ACACA: variants seen among roughly 807,000 people sequenced by gnomAD.
The protein encoded by ACACA is acetyl-CoA carboxylase alpha, also known as acetyl-CoA carboxylase 1.
ACACA carries 103 observed loss-of-function variants against 296.1 expected under a neutral mutation model. That is an observed-to-expected ratio of 0.35 (90% CI 0.30 to 0.41). ACACA has a LOEUF of 0.41. Among genes scored for constraint, ACACA ranks in the 10% least tolerant of loss-of-function variants. The pLI is 1.00. For synonymous variants in ACACA, 953 were observed against 1,038.6 expected (o/e 0.92, Z 1.58); for missense variants, 1,554 against 2,989.7 (o/e 0.52, Z 11.20).
At chr17:37,175,607 C>T (rs1429138548) in intron 41 of ACACA, among the ~76,000 whole-genome samples, 2 of 152,136 alleles carry the variant, frequency 1.3e-5, no homozygotes, top group African/African-American at 4.8e-5. Context: ...AAATGAGATC[C>T]GTTTAGTCTA....
Position 37,389,346 on chromosome 17 carries a change from A to T in ACACA, c.38+16916T>A. 1.9e-6 allele frequency: 3 copies of T among 1,587,822 alleles called. No individual in the cohort carries two copies. The South Asian group carries it at 3.5e-5, about 18-fold the overall frequency. On this transcript the variant is annotated intron_variant, in intron 1 of 55. Transcript: ENST00000616317. ...CCTGGGACAGCTGAATCCAAGCCTG[A>T]CTCTCAGCCCCAGAAGGAAAGTGTT...
chr17:37,207,353 C>G (rs544543707), intron 31 of ACACA, among the ~76,000 whole-genome samples: 5 of 152,306 alleles, frequency 3.3e-5, no homozygotes, highest in Middle Eastern at 3.4e-3. Context: ...TTTAATTTCT[C>G]CTGACATTTC....
At chr17:37,100,957 C>T (rs914809728) in intron 52 of ACACA, among the ~76,000 whole-genome samples, 13 of 151,994 alleles carry the variant, frequency 8.6e-5, no homozygotes, top group Non-Finnish European at 1.6e-4. Flanking sequence ...ATTAGCCAGG[C>T]ATGGTGGCAC....
chr17:37,188,570 A>G, intron 38 of ACACA, 90 bp from the exon 39 acceptor site: 1 of 651,390 alleles, frequency 1.5e-6, no homozygotes, highest in South Asian at 2.8e-5. Context: ...AAGAAGGGGT[A>G]AAAAAAAAAA....
intron 1 of ACACA, among the ~76,000 whole-genome samples, chr17:37,370,373 G>C (rs1007187098): frequency 6.6e-6 from 1 of 151,312 alleles, no homozygotes; most frequent in South Asian, 2.1e-4. Context: ...CAGCCCAGAC[G>C]CGGTGGCTCA....
chr17:37,399,445 A>G (rs1003773426), intron 1 of ACACA, among the ~76,000 whole-genome samples: 2 of 152,226 alleles, frequency 1.3e-5, no homozygotes, highest in African/African-American at 4.8e-5. Context: ...ACTGCCTGTC[A>G]CCAAATGATG....
intron 52 of ACACA, among the ~76,000 whole-genome samples, chr17:37,109,671 C>T (rs2142990180): frequency 6.6e-6 from 1 of 152,328 alleles, no homozygotes; most frequent in African/African-American, 2.4e-5. Context: ...GGAGTCTCCT[C>T]CCTCTCCCCT....
chr17:37,400,214 G>T (rs746302126), intron 1 of ACACA, among the ~76,000 whole-genome samples: 2 of 152,050 alleles, frequency 1.3e-5, no homozygotes, highest in African/African-American at 4.8e-5. Context: ...CTGCCTCCCG[G>T]GTTCAAGTGA....
chr17:37,314,346 G>A (rs1461474362), intron 3 of ACACA, among the ~76,000 whole-genome samples: 5 of 151,976 alleles, frequency 3.3e-5, no homozygotes, highest in South Asian at 2.1e-4. Context: ...TGATCCGCCC[G>A]CCTCAGCCTC....
intron 1 of ACACA, chr17:37,379,178 C>A: frequency 6.2e-7 from 1 of 1,613,940 alleles, no homozygotes; most frequent in South Asian, 1.1e-5. Context: ...CATTCAAAAC[C>A]GGACTATAGC....
At chr17:37,394,831 G>A (rs1286882574) in intron 1 of ACACA, among the ~76,000 whole-genome samples, 1 of 151,436 alleles carries the variant, frequency 6.6e-6, no homozygotes, top group Non-Finnish European at 1.5e-5. Flanking sequence ...GGAGCTTGCA[G>A]TGAGCCGAGA....
intron 1 of ACACA, among the ~76,000 whole-genome samples, chr17:37,374,506 C>T (rs1369291320): frequency 1.3e-5 from 2 of 152,000 alleles, no homozygotes; most frequent in African/African-American, 2.4e-5. Context: ...AGGCTGGTCT[C>T]GAACTCCCGA....
intron 45 of ACACA, among the ~76,000 whole-genome samples, chr17:37,132,835 A>G (rs929666756): frequency 2.0e-5 from 3 of 152,226 alleles, no homozygotes; most frequent in African/African-American, 7.2e-5. Context: ...TCCTCATTTA[A>G]AAGTGATCCT....
intron 11 of ACACA, among the ~76,000 whole-genome samples, chr17:37,261,875 T>C (rs759912200): frequency 6.6e-5 from 10 of 152,210 alleles, no homozygotes; most frequent in Admixed American, 2.0e-4. Flanking sequence ...TCCATCATTG[T>C]ATATGGGTGT....
chr17:37,128,646 G>A (rs970495708), intron 47 of ACACA, among the ~76,000 whole-genome samples: 1 of 152,168 alleles, frequency 6.6e-6, no homozygotes, highest in African/African-American at 2.4e-5. Flanking sequence ...ACAGCCAAAT[G>A]GACTGACAAA....
At position 37,097,739 on chromosome 17, in the gene ACACA, A is replaced by G; in HGVS notation, c.6720+91T>C. On this transcript the variant is annotated intron_variant, in intron 53 of 55. Transcript: ENST00000616317. This position sits in a 1 kb window ranked among gnomAD's most constrained non-coding sequence, Gnocchi z 4.8. Reference sequence around the variant, plus strand: ...CAGAAGTTGTTTTAATTTGGCCCTCATAGCTCCCTGCTTATGAGCCTGTGT... The same window carrying G: ...CAGAAGTTGTTTTAATTTGGCCCTCGTAGCTCCCTGCTTATGAGCCTGTGT... 5.2e-6 allele frequency: 8 copies of G among 1,536,060 alleles called. No individual in the cohort carries two copies. The highest frequency in any genetic ancestry group is 7.1e-6 in the Non-Finnish European group (8 of 1,121,404).
At position 37,151,314 on chromosome 17, in the gene ACACA, A is replaced by G; in HGVS notation, c.5555T>C (p.Ile1852Thr). Reference sequence around the variant, plus strand: ...GGAAAGATTTACCAGGCTGATGGTAATGATCTCATTATAGGCCAATGAGGA... The same window carrying G: ...GGAAAGATTTACCAGGCTGATGGTAGTGATCTCATTATAGGCCAATGAGGA... ...GESSLAYNEI[I>T]TISLVTCRAI... The change falls in exon 44 of 56, where the codon ATT (isoleucine) becomes ACT (threonine). Residue 1852 changes from isoleucine to threonine, a missense_variant. Physicochemically the swap from Ile to Thr is moderately conservative, Grantham distance 89. Around this residue, in one of 16 missense-constraint regions of ACACA, gnomAD observed 553 missense variants for 1,043.6 expected, o/e 0.53. Coordinates refer to ENST00000616317, the MANE Select transcript of ACACA (RefSeq NM_198834.3). The G allele has an allele frequency of 6.2e-7, 1 of 1,614,044 alleles. No individual in the cohort carries two copies. The highest frequency in any genetic ancestry group is 8.5e-7 in the Non-Finnish European group (1 of 1,180,006).
rs534731314 is a variant in ACACA at position 37,352,208 on chromosome 17, G to A, written c.39-12358C>T. ...GCTGGGATTACAGGGGTGAGCCACC[G>A]TTCCTGGCCAGGCTTCATGTTTTAT... On this transcript the variant is annotated intron_variant, in intron 1 of 55. Transcript: ENST00000616317. Among the ~76,000 whole-genome samples, 141 of 152,090 alleles carry A rather than the reference G, an allele frequency of 9.3e-4. 1 individual carries two copies. In the Middle Eastern group the frequency reaches 0.017, roughly 18 times the overall value.
At chr17:37,174,520 A>AT (rs908817876) in intron 41 of ACACA, among the ~76,000 whole-genome samples, 5 of 150,914 alleles carry the variant, frequency 3.3e-5, no homozygotes, top group Non-Finnish European at 5.9e-5. Context: ...ATTGCATTCA[A>AT]TTTTTTTTTC....
Sources: gnomAD v4.1 joint callset for allele counts (sites outside exome capture counted in the v4.1 genomes callset) on GRCh38, gnomAD v4.1.1 for gene constraint, gnomAD v4.1.1 regional missense constraint, Gnocchi (gnomAD v3.1) non-coding constraint, MANE v1.5 for transcripts, NCBI Gene and HGNC (gene_info 2026-07-23, HGNC 2026-07-21) for gene names.